Variants in SNX29 observed in about 807,000 individuals in gnomAD.
SNX29 encodes the protein sorting nexin-29.
Under a neutral mutation model 102.1 loss-of-function variants are expected in SNX29, and 78 were observed. The ratio of observed to expected loss-of-function variants is 0.76; its 90% CI spans 0.64 to 0.92. SNX29 has a LOEUF of 0.92. Ranked by LOEUF, SNX29 falls within the 40% of genes least tolerant of loss-of-function variation. The pLI is 0.00. For synonymous variants in SNX29, 580 were observed against 414.5 expected (o/e 1.40, Z -4.85); for missense variants, 1,280 against 1,061.7 (o/e 1.21, Z -2.86).
At chr16:12,299,581 A>G (rs2080095252) in intron 15 of SNX29, among the ~76,000 whole-genome samples, 2 of 152,140 alleles carry the variant, frequency 1.3e-5, no homozygotes, top group African/African-American at 4.8e-5. Flanking sequence ...GTATTTATAC[A>G]GCATAATCTA....
At chr16:12,461,847 T>C (rs6498303) in intron 18 of SNX29, among the ~76,000 whole-genome samples, 5,059 of 147,688 alleles carry the variant, frequency 0.034, 263 homozygotes, top group African/African-American at 0.11. Context: ...TCCCAGCTAC[T>C]GTGGAGGCTG....
chr16:12,387,281 G>T (rs7190385), intron 16 of SNX29, among the ~76,000 whole-genome samples: 17,325 of 152,102 alleles, frequency 0.11, 2,751 homozygotes, highest in African/African-American at 0.36. Context: ...ACAACCGAAT[G>T]GTCCTAGGAG....
At chr16:12,390,352 C>G (rs755567334) in intron 16 of SNX29, among the ~76,000 whole-genome samples, 2 of 152,126 alleles carry the variant, frequency 1.3e-5, no homozygotes, top group Non-Finnish European at 2.9e-5. Flanking sequence ...GCTCATCTCC[C>G]TTATGCTTCA....
chr16:12,005,417 G>A (rs1207441265), intron 3 of SNX29, among the ~76,000 whole-genome samples: 1 of 152,148 alleles, frequency 6.6e-6, no homozygotes, highest in East Asian at 1.9e-4. Flanking sequence ...AGCTTGCTGA[G>A]AATTTGCATT....
chr16:12,215,587 A>G (rs1056184215), intron 14 of SNX29, among the ~76,000 whole-genome samples: 7 of 152,012 alleles, frequency 4.6e-5, no homozygotes, highest in African/African-American at 1.7e-4. Context: ...TTAGTTCAAG[A>G]TTTCTGCCAG....
At chr16:12,403,311 G>C (rs557711240) in intron 17 of SNX29, 137 bp from the exon 18 acceptor site, 83 of 713,904 alleles carry the variant, frequency 1.2e-4, no homozygotes, top group Non-Finnish European at 1.9e-4. Flanking sequence ...GCCATCAGGT[G>C]TGATGTAAGT....
chr16:12,507,120 T>A lies in SNX29; in HGVS notation c.2179-17582T>A, dbSNP rs763726349. Among the ~76,000 whole-genome samples, 37 of 152,372 alleles carry A rather than the reference T, an allele frequency of 2.4e-4. No homozygotes were observed. The Middle Eastern group carries it at 0.027, about 112-fold the overall frequency. ...GTGTTGGGCACTGCAACTATTGTTA[T>A]CATCCCTCTTTCAGAGGTGATGAGA... On this transcript the variant is annotated intron_variant, in intron 19 of 20. Coordinates refer to ENST00000566228, the MANE Select transcript of SNX29 (RefSeq NM_032167.5).
intron 20 of SNX29, among the ~76,000 whole-genome samples, chr16:12,552,912 C>T (rs554859594): frequency 6.6e-6 from 1 of 152,192 alleles, no homozygotes; most frequent in African/African-American, 2.4e-5. Context: ...GCAAGGGCAG[C>T]AGAGCTGATT....
intron 10 of SNX29, among the ~76,000 whole-genome samples, chr16:12,069,795 AT>A (rs1343721956): frequency 6.6e-6 from 1 of 152,130 alleles, no homozygotes; most frequent in Non-Finnish European, 1.5e-5. Context: ...TGTTCACGCC[AT>A]TCTCCTGCCT....
chr16:12,477,751 T>C lies in SNX29; in HGVS notation c.2070T>C (p.Asn690=), dbSNP rs369057640. 322 of 1,612,788 alleles carry C rather than the reference T, an allele frequency of 2.0e-4. No homozygotes were observed. Among genetic ancestry groups the C allele is most frequent in the Non-Finnish European group, 2.6e-4 (310 of 1,179,632 alleles). The change falls in exon 19 of 21, where the codon AAT becomes AAC. Residue 690 remains asparagine (N), a synonymous_variant. Coordinates refer to ENST00000566228, the MANE Select transcript of SNX29 (RefSeq NM_032167.5). ...VYIRIKDDEW[N]IYRRYTEFRS... ...TCCGGATAAAAGACGATGAATGGAA[T>C]ATTTATCGCCGGTATACAGAGTTCA...
intron 13 of SNX29, among the ~76,000 whole-genome samples, chr16:12,139,817 C>A (rs961369598): frequency 1.3e-5 from 2 of 151,600 alleles, no homozygotes; most frequent in Non-Finnish European, 2.9e-5. Flanking sequence ...CCTGTCTACA[C>A]AAAAATTACA....
intron 20 of SNX29, among the ~76,000 whole-genome samples, chr16:12,563,106 A>C: frequency 1.0e-5 from 1 of 95,426 alleles, no homozygotes; most frequent in East Asian, 2.0e-4. Context: ...ACGCACGCTA[A>C]CAACAGAGCC....
In SNX29 at chr16:12,013,500, A is replaced by AAAATATATAT; in HGVS notation, c.122+10458_122+10459insAATATATATA. 3.6e-3 allele frequency among the ~76,000 whole-genome samples: 115 copies of AAAATATATAT among 31,546 alleles called. 1 individual carries two copies. The highest frequency in any genetic ancestry group is 0.02 in the Middle Eastern group (1 of 50). The allele number at this position is 31,546 out of a possible 152,430, so 20.7% of individuals were successfully genotyped here. On this transcript the variant is annotated intron_variant, in intron 3 of 20. Transcript: ENST00000566228. ...GTCTCTACTGGGGGAAAAAAAAAAAAATATATATATATATATATATATATA... is the reference window on the plus strand; with the variant it reads ...GTCTCTACTGGGGGAAAAAAAAAAAAAAATATATATATATATATATATATATATATATATA...
At chr16:12,380,092 C>T (rs1406697908) in intron 16 of SNX29, among the ~76,000 whole-genome samples, 1 of 152,032 alleles carries the variant, frequency 6.6e-6, no homozygotes, top group African/African-American at 2.4e-5. Context: ...AATTTCTTAA[C>T]CTTGCAGAAT....
intron 13 of SNX29, among the ~76,000 whole-genome samples, chr16:12,150,626 G>C (rs2055258414): frequency 6.6e-6 from 1 of 152,214 alleles, no homozygotes; most frequent in Non-Finnish European, 1.5e-5. Flanking sequence ...CGTCTAATGA[G>C]CTAATTTTTG....
intron 15 of SNX29, among the ~76,000 whole-genome samples, chr16:12,355,884 GAAA>G (rs1183417631): frequency 7.9e-6 from 1 of 127,298 alleles, no homozygotes; most frequent in African/African-American, 2.9e-5. Context: ...AAAGAGAGAG[GAAA>G]AAAAAAGCCC....
At chr16:12,001,881 C>T (rs11644227) in intron 2 of SNX29, among the ~76,000 whole-genome samples, 58,404 of 151,368 alleles carry the variant, frequency 0.39, 12,670 homozygotes, top group Non-Finnish European at 0.5. Flanking sequence ...TCAGTTGGAC[C>T]TGGTGGCACG....
At chr16:12,192,267 G>C (rs528914110) in intron 13 of SNX29, among the ~76,000 whole-genome samples, 1 of 152,308 alleles carries the variant, frequency 6.6e-6, no homozygotes, top group South Asian at 2.1e-4. Context: ...GTAGCCAGCA[G>C]GCTTGTTTGG....
intron 12 of SNX29, among the ~76,000 whole-genome samples, chr16:12,127,701 C>G (rs998034303): frequency 6.6e-6 from 1 of 152,146 alleles, no homozygotes; most frequent in African/African-American, 2.4e-5. Flanking sequence ...AGATTATAGA[C>G]GTGAGCCACT....
Sources: gnomAD v4.1 joint callset for allele counts (sites outside exome capture counted in the v4.1 genomes callset) on GRCh38, gnomAD v4.1.1 for gene constraint, MANE v1.5 for transcripts, NCBI Gene and HGNC (gene_info 2026-07-23, HGNC 2026-07-21) for gene names.